FSHR: variants seen among roughly 807,000 people sequenced by gnomAD.
The protein encoded by FSHR is follicle stimulating hormone receptor, also known as follicle-stimulating hormone receptor.
Under a neutral mutation model 52.1 loss-of-function variants are expected in FSHR, and 46 were observed. The ratio of observed to expected loss-of-function variants is 0.88; its 90% CI spans 0.70 to 1.13. FSHR has a LOEUF of 1.13. FSHR is among the 50% of genes most tolerant of loss of function. The probability of loss-of-function intolerance (pLI) is 0.00; values close to 1 mark genes in which losing one functional copy is unlikely to be tolerated. For missense variants in FSHR, 964 were observed against 834.6 expected, an observed-to-expected ratio of 1.16 and a Z score of -1.91; for synonymous variants, 399 against 309.6, an observed-to-expected ratio of 1.29 and a Z score of -3.03.
intron 4 of FSHR, among the ~76,000 whole-genome samples, chr2:49,013,513 T>TAAATATATATATAAATATATATATAA (rs36099655): frequency 7.3e-6 from 1 of 136,588 alleles, no homozygotes; most frequent in African/African-American, 2.8e-5. Flanking sequence ...TATATATATA[T>TAAATATATATATAAATATATATATAA]ATAAATATAT....
At chr2:49,127,956 A>T (rs1443352971) in intron 1 of FSHR, among the ~76,000 whole-genome samples, 2 of 142,636 alleles carry the variant, frequency 1.4e-5, no homozygotes, top group African/African-American at 2.6e-5. Flanking sequence ...GCAGTGGCGC[A>T]ATCTCCACTC....
chr2:48,979,934 A>C (rs914543169), intron 8 of FSHR, among the ~76,000 whole-genome samples: 2 of 151,758 alleles, frequency 1.3e-5, no homozygotes, highest in South Asian at 4.2e-4. Flanking sequence ...TTACCTCTTA[A>C]CTCATCACCT....
intron 2 of FSHR, among the ~76,000 whole-genome samples, chr2:49,048,227 C>T (rs925463152): frequency 1.3e-4 from 20 of 151,346 alleles, no homozygotes; most frequent in African/African-American, 4.6e-4. Context: ...GTCAATCATA[C>T]CTCAAGAAGA....
intron 4 of FSHR, among the ~76,000 whole-genome samples, chr2:49,000,477 GC>G (rs1666829662): frequency 1.3e-5 from 2 of 152,148 alleles, no homozygotes; most frequent in Admixed American, 6.6e-5. Flanking sequence ...TACCTCCGTG[GC>G]TAAGGCAGAG....
chr2:49,073,950 C>T (rs1006903711), intron 1 of FSHR, among the ~76,000 whole-genome samples: 1 of 152,026 alleles, frequency 6.6e-6, no homozygotes, highest in Admixed American at 6.6e-5. Flanking sequence ...AGGACAGTCT[C>T]TTCAATAAAT....
intron 1 of FSHR, among the ~76,000 whole-genome samples, chr2:49,080,293 A>T (rs1670119229): frequency 6.6e-6 from 1 of 152,188 alleles, no homozygotes; most frequent in South Asian, 2.1e-4. Flanking sequence ...GTCATTTGTT[A>T]ATATTCATTA....
intron 9 of FSHR, among the ~76,000 whole-genome samples, chr2:48,966,893 G>A (rs1190812413): frequency 6.6e-6 from 1 of 152,184 alleles, no homozygotes; most frequent in Non-Finnish European, 1.5e-5. Context: ...GCAACCTAGA[G>A]GGATGAGAGC....
chr2:49,045,927 T>A (rs1188056996), intron 2 of FSHR, among the ~76,000 whole-genome samples: 1 of 152,164 alleles, frequency 6.6e-6, no homozygotes, highest in African/African-American at 2.4e-5. Flanking sequence ...ACTATAAGAC[T>A]CTCAAGATCT....
intron 1 of FSHR, among the ~76,000 whole-genome samples, chr2:49,128,431 A>G (rs1270265646): frequency 1.3e-5 from 2 of 152,192 alleles, no homozygotes; most frequent in East Asian, 1.9e-4. Context: ...AAGGAACATA[A>G]TATTAAGAGT....
At chr2:48,978,478 C>G (rs1429645429) in intron 8 of FSHR, among the ~76,000 whole-genome samples, 1 of 152,194 alleles carries the variant, frequency 6.6e-6, no homozygotes, top group Non-Finnish European at 1.5e-5. Flanking sequence ...TCTGAACTAT[C>G]AAATGAATCT....
At position 48,962,660 on chromosome 2, in the gene FSHR, C is replaced by T. The variant is rs1674278102; in HGVS notation, c.*73G>A. ...ATGAAATGTGTAGAAGCACTGTCAG[C>T]TCTTTGTGACATACCCTTCAAAGGC... On this transcript the variant is annotated 3_prime_UTR_variant, in exon 10 of 10. Coordinates refer to ENST00000406846, the MANE Select transcript of FSHR (RefSeq NM_000145.4). The T allele has an allele frequency of 6.9e-7, 1 of 1,445,712 alleles. No homozygotes were observed. Among genetic ancestry groups the T allele is most frequent in the Non-Finnish European group, 9.7e-7 (1 of 1,029,864 alleles). The allele number at this position is 1,445,712 out of a possible 1,614,324, so 89.6% of individuals were successfully genotyped here.
intron 2 of FSHR, among the ~76,000 whole-genome samples, chr2:49,033,246 G>A (rs188219908): frequency 2.6e-5 from 4 of 152,176 alleles, no homozygotes; most frequent in African/African-American, 7.2e-5. Context: ...ATGAGGAAAC[G>A]TGAAAACTAT....
chr2:49,061,731 T>C (rs926049183), intron 2 of FSHR, among the ~76,000 whole-genome samples: 2 of 119,026 alleles, frequency 1.7e-5, no homozygotes, highest in Admixed American at 1.0e-4. Context: ...TATAAAAATA[T>C]ATAGCTATTT....
chr2:49,125,716 A>G (rs1286490648), intron 1 of FSHR, among the ~76,000 whole-genome samples: 1 of 152,222 alleles, frequency 6.6e-6, no homozygotes, highest in Non-Finnish European at 1.5e-5. Flanking sequence ...CACTGCCTCG[A>G]ATTTGCAGGA....
chr2:48,979,458 C>G (rs1187664019), intron 8 of FSHR, among the ~76,000 whole-genome samples: 1 of 152,064 alleles, frequency 6.6e-6, no homozygotes, highest in Non-Finnish European at 1.5e-5. Flanking sequence ...CCAAAACCTA[C>G]TCAACTCTGA....
intron 2 of FSHR, among the ~76,000 whole-genome samples, chr2:49,036,034 C>G (rs963167212): frequency 2.6e-5 from 4 of 152,060 alleles, no homozygotes; most frequent in African/African-American, 7.2e-5. Context: ...AACCCATGAT[C>G]GATACATGGA....
intron 4 of FSHR, among the ~76,000 whole-genome samples, chr2:49,013,916 G>A (rs1410967077): frequency 6.6e-6 from 1 of 152,044 alleles, no homozygotes; most frequent in Non-Finnish European, 1.5e-5. Flanking sequence ...CTTACAAAAA[G>A]AGGAAGAGAC....
chr2:48,968,639 T>G, intron 9 of FSHR, 59 bp downstream of exon 9: 1 of 1,581,356 alleles, frequency 6.3e-7, no homozygotes, highest in Non-Finnish European at 8.7e-7. Context: ...TAGGTAGAAA[T>G]TGTGGACAAA....
chr2:49,077,384 G>A (rs989372847), intron 1 of FSHR, among the ~76,000 whole-genome samples: 3 of 152,278 alleles, frequency 2.0e-5, no homozygotes, highest in East Asian at 3.9e-4. Flanking sequence ...AACACAGGGC[G>A]CTAAGTCCCT....
Sources: gnomAD v4.1 joint callset for allele counts (sites outside exome capture counted in the v4.1 genomes callset) on GRCh38, gnomAD v4.1.1 for gene constraint, MANE v1.5 for transcripts, NCBI Gene and HGNC (gene_info 2026-07-23, HGNC 2026-07-21) for gene names.